Variants in GSN observed in about 807,000 individuals in gnomAD.
GSN encodes actin-depolymerizing factor.
Under a neutral mutation model 85.7 loss-of-function variants are expected in GSN, and 56 were observed. The ratio of observed to expected loss-of-function variants is 0.65; its 90% confidence interval spans 0.53 to 0.82. The LOEUF (loss-of-function observed/expected upper bound fraction) is 0.82, where lower values mean the gene tolerates loss of function less well. Ranked by LOEUF, GSN falls within the 40% of genes least tolerant of loss-of-function variation. GSN has a pLI of 0.00. For missense variants in GSN, 857 were observed against 979.8 expected (o/e 0.87, Z 1.67); for synonymous variants, 373 against 399.1 (o/e 0.93, Z 0.78).
chr9:121,321,141 C>T (rs1387731437), intron 10 of GSN, 127 bp from the exon 11 acceptor site: 30 of 1,025,650 alleles, frequency 2.9e-5, no homozygotes, highest in African/African-American at 4.7e-5. Context: ...AACTCCAGTC[C>T]GAGCCCAAGT....
chr9:121,326,409 C>T (rs964435723), intron 12 of GSN, 103 bp from the exon 13 acceptor site: 1 of 927,180 alleles, frequency 1.1e-6, no homozygotes, highest in Non-Finnish European at 1.7e-6. Context: ...CACACACAGA[C>T]ACAAGCATGA....
chr9:121,215,935 TAGC>T (rs1315725596), intron 4 of GSN, among the ~76,000 whole-genome samples: 1 of 152,116 alleles, frequency 6.6e-6, no homozygotes, highest in Non-Finnish European at 1.5e-5. Context: ...TTGAAAAAAA[TAGC>T]TGGGTGAGTG....
At chr9:121,225,384 C>G (rs2054254013) in intron 4 of GSN, among the ~76,000 whole-genome samples, 1 of 152,236 alleles carries the variant, frequency 6.6e-6, no homozygotes, top group African/African-American at 2.4e-5. Context: ...GCTTTCACCA[C>G]TTGTCAGGCC....
intron 5 of GSN, among the ~76,000 whole-genome samples, chr9:121,232,328 A>G (rs2054406505): frequency 1.3e-5 from 2 of 152,188 alleles, no homozygotes; most frequent in African/African-American, 4.8e-5. Flanking sequence ...AATCTTCTTG[A>G]CACCTTAGGG....
At chr9:121,302,557 A>G (rs1169096637) in intron 3 of GSN, among the ~76,000 whole-genome samples, 2 of 151,972 alleles carry the variant, frequency 1.3e-5, no homozygotes, top group African/African-American at 2.4e-5. Flanking sequence ...TTGAGTCAGG[A>G]GCCCGGAGTC....
chr9:121,240,243 C>T (rs556992086), intron 5 of GSN, among the ~76,000 whole-genome samples: 2 of 152,282 alleles, frequency 1.3e-5, no homozygotes, highest in East Asian at 3.9e-4. Context: ...CTGTAAAGAC[C>T]CTATTTCCAA....
upstream of GSN, among the ~76,000 whole-genome samples, chr9:121,263,696 G>T: frequency 6.6e-6 from 1 of 152,034 alleles, no homozygotes; most frequent in African/African-American, 2.4e-5. Context: ...TTCGAGACCA[G>T]CCTGACCAAT....
intron 2 of GSN, among the ~76,000 whole-genome samples, chr9:121,297,239 T>C (rs1029366323): frequency 2.6e-5 from 4 of 152,266 alleles, no homozygotes; most frequent in African/African-American, 9.6e-5. Context: ...TTGTAAAGTT[T>C]CAAATGCTAC....
chr9:121,230,331 A>G (rs1182025350), intron 4 of GSN, among the ~76,000 whole-genome samples: 1 of 152,208 alleles, frequency 6.6e-6, no homozygotes, highest in Admixed American at 6.5e-5. Flanking sequence ...CCAAATTTTT[A>G]GGAAAGTAGC....
chr9:121,302,222 C>G (rs905533973), intron 3 of GSN, 55 bp downstream of exon 3: 13 of 1,586,594 alleles, frequency 8.2e-6, no homozygotes, highest in Middle Eastern at 1.7e-4. Flanking sequence ...ACAGTGCAGA[C>G]CTTTGGGGCA....
intron 11 of GSN, among the ~76,000 whole-genome samples, chr9:121,322,834 T>TG (rs1040805039): frequency 1.0e-4 from 1 of 9,584 alleles, no homozygotes; most frequent in Admixed American, 6.1e-4. Context: ...GACTGTTGGA[T>TG]TTTTTTTTTT....
intron 2 of GSN, chr9:121,282,315 G>A (rs2057485106): frequency 1.6e-6 from 1 of 609,402 alleles, no homozygotes; most frequent in Non-Finnish European, 2.9e-6. Context: ...AGACAGGAAG[G>A]ATCACTACTA....
intron 5 of GSN, among the ~76,000 whole-genome samples, chr9:121,236,288 C>T (rs759787791): frequency 2.4e-4 from 36 of 152,210 alleles, no homozygotes; most frequent in Non-Finnish European, 4.4e-4. Flanking sequence ...GGTGCGATCT[C>T]GGCTTACTGC....
chr9:121,289,263 C>T (rs2058449839), intron 2 of GSN, among the ~76,000 whole-genome samples: 1 of 152,120 alleles, frequency 6.6e-6, no homozygotes, highest in Non-Finnish European at 1.5e-5. Context: ...GAGTAACCCC[C>T]CGCCATCCCA....
intron 2 of GSN, chr9:121,286,645 G>C: frequency 6.5e-7 from 1 of 1,533,204 alleles, no homozygotes; most frequent in Non-Finnish European, 8.7e-7. Flanking sequence ...CTGTTTGTGT[G>C]CCCTCTGGGC....
chr9:121,294,639 C>T (rs2132999239), intron 2 of GSN, among the ~76,000 whole-genome samples: 1 of 152,352 alleles, frequency 6.6e-6, no homozygotes, highest in African/African-American at 2.4e-5. Flanking sequence ...TCCCCAACAG[C>T]TGGCCACTCC....
intron 4 of GSN, 171 bp from the exon 5 acceptor site, chr9:121,310,513 C>G (rs866267695): frequency 5.7e-6 from 4 of 704,786 alleles, no homozygotes; most frequent in Middle Eastern, 5.4e-4. Flanking sequence ...GAAACAGTCT[C>G]AAACAAGATA....
chr9:121,286,213 C>A, intron 2 of GSN: 1 of 1,446,968 alleles, frequency 6.9e-7, no homozygotes, highest in Non-Finnish European at 9.4e-7. Context: ...TGGGGTGGTC[C>A]CCGAAGCCAG....
Position 121,332,571 on chromosome 9 carries a change from T to C in GSN, c.2164T>C (p.Leu722=), listed in dbSNP as rs1318647970. The part of the protein sequence containing the change: ...WDDDYWSVDP[L]DRAMAELAA ...TGATGATTACTGGTCTGTGGACCCCTTGGACAGGGCCATGGCTGAGCTGGC... is the reference window on the plus strand; with the variant it reads ...TGATGATTACTGGTCTGTGGACCCCCTGGACAGGGCCATGGCTGAGCTGGC... The change falls in exon 18 of 18, where the codon TTG becomes CTG. Residue 722 remains leucine (L), a synonymous_variant. Transcript: ENST00000432226. The surrounding 1 kb of genome is among the most constrained non-coding windows in gnomAD (Gnocchi z 4.8). 23 of 1,614,012 alleles carry C rather than the reference T, an allele frequency of 1.4e-5. No homozygotes were observed. The highest frequency in any genetic ancestry group is 1.9e-5 in the Non-Finnish European group (22 of 1,179,976).
Sources: gnomAD v4.1 joint callset for allele counts (sites outside exome capture counted in the v4.1 genomes callset) on GRCh38, gnomAD v4.1.1 for gene constraint, Gnocchi (gnomAD v3.1) non-coding constraint, MANE v1.5 for transcripts, NCBI Gene and HGNC (gene_info 2026-07-23, HGNC 2026-07-21) for gene names.